Variants in TBC1D12 observed in about 807,000 individuals in gnomAD.
TBC1D12 encodes TBC1 domain family, member 12.
Under a neutral mutation model 86.7 loss-of-function variants are expected in TBC1D12, and 56 were observed. The ratio of observed to expected loss-of-function variants is 0.65; its 90% CI spans 0.52 to 0.81. The LOEUF is 0.81. Among genes scored for constraint, TBC1D12 ranks in the 30% least tolerant of loss-of-function variants. The pLI, the probability that TBC1D12 is intolerant of heterozygous loss-of-function variation, is 0.00. For missense variants in TBC1D12, 1,023 were observed against 1,038.8 expected, an observed-to-expected ratio of 0.98 and a Z score of 0.21; for synonymous variants, 421 against 411.7, an observed-to-expected ratio of 1.02 and a Z score of -0.27.
intron 1 of TBC1D12, among the ~76,000 whole-genome samples, chr10:94,430,558 T>G (rs1157201428): frequency 6.6e-6 from 1 of 152,252 alleles, no homozygotes; most frequent in Non-Finnish European, 1.5e-5. Flanking sequence ...TAAGGTATGG[T>G]AGGCAAATGG....
chr10:94,408,254 T>G (rs2054883240), intron 1 of TBC1D12, among the ~76,000 whole-genome samples: 1 of 152,140 alleles, frequency 6.6e-6, no homozygotes, highest in Non-Finnish European at 1.5e-5. Context: ...AAGGAATAAT[T>G]GGAGATTTTT....
At chr10:94,425,017 T>C (rs1047309097) in intron 1 of TBC1D12, among the ~76,000 whole-genome samples, 9 of 152,132 alleles carry the variant, frequency 5.9e-5, no homozygotes, top group African/African-American at 2.2e-4. Flanking sequence ...CTGTCAAGGA[T>C]GACTGAGCCC....
At chr10:94,473,175 A>C (rs962925312) in intron 2 of TBC1D12, among the ~76,000 whole-genome samples, 3 of 151,786 alleles carry the variant, frequency 2.0e-5, no homozygotes, top group African/African-American at 7.3e-5. Flanking sequence ...CAACATGGAG[A>C]AACCCTGTCT....
At chr10:94,518,638 G>A (rs11187998) in intron 9 of TBC1D12, among the ~76,000 whole-genome samples, 59,745 of 152,058 alleles carry the variant, frequency 0.39, 12,475 homozygotes, top group East Asian at 0.72. Context: ...ATCACACCAT[G>A]AGTCAATAAA....
chr10:94,521,959 A>G lies in TBC1D12; in HGVS notation c.1766A>G (p.Gln589Arg), dbSNP rs1335356598. Residue 589 changes from glutamine (Q) to arginine (R), a missense_variant, in exon 10 of 13, where the codon CAA becomes CGA. Gln to Arg is a conservative substitution (Grantham distance 43). Transcript: ENST00000225235. ...TAAATTTTTCTCCCTTTGAAGGTCC[A>G]AGGGATGTCCTTCATTGCAGCAGTA... The part of the protein sequence containing the change: ...TCYRPDVGYV[Q>R]GMSFIAAVLI... The G allele has an allele frequency of 6.2e-7, 1 of 1,602,598 alleles. No individual in the cohort carries two copies. Among genetic ancestry groups the G allele is most frequent in the East Asian group, 2.2e-5 (1 of 44,708 alleles).
At chr10:94,517,726 A>T (rs1423894679) in intron 9 of TBC1D12, among the ~76,000 whole-genome samples, 1 of 152,244 alleles carries the variant, frequency 6.6e-6, no homozygotes, top group Non-Finnish European at 1.5e-5. Context: ...TCATGATTTG[A>T]CAAAATACGT....
chr10:94,441,881 T>C lies in TBC1D12; in HGVS notation c.972-15T>C, dbSNP rs2055386829. On this transcript the variant is annotated splice_polypyrimidine_tract_variant and intron_variant, in intron 1 of 12. Coordinates refer to ENST00000225235, the MANE Select transcript of TBC1D12 (RefSeq NM_015188.2). Reference sequence around the variant, plus strand: ...TTACAAAAAACACAATTCATGTAACTTTTCTGTGTTTCAGAAACCTTTTTC... The same window carrying C: ...TTACAAAAAACACAATTCATGTAACCTTTCTGTGTTTCAGAAACCTTTTTC... 6.2e-7 allele frequency: 1 copy of C among 1,606,800 alleles called. No homozygotes were observed. Among genetic ancestry groups the C allele is most frequent in the African/African-American group, 1.3e-5 (1 of 74,704 alleles).
chr10:94,418,618 C>A (rs757317510), intron 1 of TBC1D12, among the ~76,000 whole-genome samples: 2 of 152,020 alleles, frequency 1.3e-5, no homozygotes, highest in Non-Finnish European at 2.9e-5. Context: ...GTCACCCAGA[C>A]TGGAATGCAC....
intron 3 of TBC1D12, among the ~76,000 whole-genome samples, chr10:94,487,809 A>G (rs1589652292): frequency 7.0e-6 from 1 of 142,180 alleles, no homozygotes; most frequent in African/African-American, 2.6e-5. Context: ...TGATCCACCC[A>G]CCTCAGACTC....
chr10:94,519,544 A>G (rs188004466), intron 9 of TBC1D12, among the ~76,000 whole-genome samples: 92 of 152,318 alleles, frequency 6.0e-4, no homozygotes, highest in Non-Finnish European at 2.6e-4. Flanking sequence ...CAAAATTTAA[A>G]CAAACACACA....
chr10:94,437,963 G>C (rs1263169411), intron 1 of TBC1D12, among the ~76,000 whole-genome samples: 1 of 120,002 alleles, frequency 8.3e-6, no homozygotes, highest in Non-Finnish European at 1.8e-5. Flanking sequence ...TTTGTCCATG[G>C]GTTTTTTTCT....
At chr10:94,433,401 G>A (rs533498695) in intron 1 of TBC1D12, among the ~76,000 whole-genome samples, 43 of 152,242 alleles carry the variant, frequency 2.8e-4, no homozygotes, top group African/African-American at 9.6e-4. Flanking sequence ...TTACAGGCAT[G>A]AGTCACTGCA....
chr10:94,408,193 TC>T (rs1037236624), intron 1 of TBC1D12, among the ~76,000 whole-genome samples: 1 of 152,208 alleles, frequency 6.6e-6, no homozygotes, highest in Non-Finnish European at 1.5e-5. Flanking sequence ...TGATTTTTTT[TC>T]CCAAGTCTTT....
chr10:94,462,878 A>T, intron 2 of TBC1D12, among the ~76,000 whole-genome samples: 1 of 151,290 alleles, frequency 6.6e-6, no homozygotes, highest in Non-Finnish European at 1.5e-5. Context: ...ACTGATTTTC[A>T]CTTCTTGTTT....
At chr10:94,460,374 C>G (rs1002046647) in intron 2 of TBC1D12, among the ~76,000 whole-genome samples, 2 of 151,914 alleles carry the variant, frequency 1.3e-5, no homozygotes, top group South Asian at 4.2e-4. Context: ...TGAAGGATAA[C>G]TTTGTAGGGT....
chr10:94,515,274 G>GCA (rs1254808230), intron 9 of TBC1D12, among the ~76,000 whole-genome samples: 1 of 151,798 alleles, frequency 6.6e-6, no homozygotes, highest in Non-Finnish European at 1.5e-5. Flanking sequence ...GCCATATAAA[G>GCA]CAGTCCCCGC....
At chr10:94,426,822 C>A (rs1444838720) in intron 1 of TBC1D12, among the ~76,000 whole-genome samples, 1 of 152,172 alleles carries the variant, frequency 6.6e-6, no homozygotes, top group Non-Finnish European at 1.5e-5. Context: ...TTGATCCACC[C>A]ACTTCGGCCT....
chr10:94,524,615 T>A (rs372633145), intron 11 of TBC1D12, among the ~76,000 whole-genome samples: 1 of 151,732 alleles, frequency 6.6e-6, no homozygotes, highest in Non-Finnish European at 1.5e-5. Context: ...GGTGCATGCC[T>A]GTAGTCCCAG....
At chr10:94,498,310 C>T (rs997423025) in intron 5 of TBC1D12, among the ~76,000 whole-genome samples, 1 of 152,102 alleles carries the variant, frequency 6.6e-6, no homozygotes, top group Non-Finnish European at 1.5e-5. Context: ...ATGTAAATGT[C>T]CCATCATCAT....
Sources: gnomAD v4.1 joint callset for allele counts (sites outside exome capture counted in the v4.1 genomes callset) on GRCh38, gnomAD v4.1.1 for gene constraint, MANE v1.5 for transcripts, NCBI Gene and HGNC (gene_info 2026-07-23, HGNC 2026-07-21) for gene names.